Variants in SLC30A8 observed in about 807,000 individuals in gnomAD.
SLC30A8 encodes the protein solute carrier family 30 member 8.
In SLC30A8, 27 loss-of-function variants were observed where a neutral mutation model predicts 36.9. The ratio of observed to expected loss-of-function variants is 0.73; its 90% CI spans 0.54 to 1.01. The LOEUF is 1.01. Among genes scored for constraint, SLC30A8 ranks in the 50% least tolerant of loss-of-function variants. The pLI, the probability that SLC30A8 is intolerant of heterozygous loss-of-function variation, is 0.00. For missense variants in SLC30A8, 439 were observed against 452.0 expected (o/e 0.97, Z 0.26); for synonymous variants, 164 against 172.4 (o/e 0.95, Z 0.38).
intron 1 of SLC30A8, among the ~76,000 whole-genome samples, chr8:117,012,724 T>TACACACACACACACACACACAC (rs376889831): frequency 9.5e-5 from 12 of 126,392 alleles, no homozygotes; most frequent in African/African-American, 3.5e-4. Flanking sequence ...GACATATGTA[T>TACACACACACACACACACACAC]ACACACACAC....
intron 1 of SLC30A8, among the ~76,000 whole-genome samples, chr8:116,979,238 C>CAAAAAAAAAAAAAAAAAA (rs67998633): frequency 1.6e-5 from 1 of 64,308 alleles, no homozygotes. Context: ...GACCCTGTCT[C>CAAAAAAAAAAAAAAAAAA]AAAAAAAAAA....
chr8:116,977,510 C>CTT (rs71305452), intron 1 of SLC30A8, among the ~76,000 whole-genome samples: 2,432 of 116,378 alleles, frequency 0.021, 111 homozygotes, highest in African/African-American at 0.077. Context: ...TACTTTACCA[C>CTT]TTTTTTTTTT....
chr8:117,042,736 C>A (rs1448663528), intron 2 of SLC30A8, among the ~76,000 whole-genome samples: 1 of 151,874 alleles, frequency 6.6e-6, no homozygotes, highest in Non-Finnish European at 1.5e-5. Flanking sequence ...AGTGCAGTGG[C>A]ATGATCTTGG....
intron 1 of SLC30A8, among the ~76,000 whole-genome samples, chr8:117,006,772 ATTTTTTTTTTT>A (rs71305456): frequency 7.6e-5 from 6 of 78,968 alleles, no homozygotes; most frequent in Admixed American, 5.1e-4. Flanking sequence ...GAGTCAGGTA[ATTTTTTTTTTT>A]TTTTTTTTTT....
At chr8:117,082,287 T>C (rs1162873268) in intron 2 of SLC30A8, among the ~76,000 whole-genome samples, 2 of 152,102 alleles carry the variant, frequency 1.3e-5, no homozygotes, top group Non-Finnish European at 2.9e-5. Flanking sequence ...CTAGATGAAG[T>C]ATGTAATGAC....
chr8:117,129,653 A>G (rs939561448), intron 2 of SLC30A8, among the ~76,000 whole-genome samples: 1 of 151,968 alleles, frequency 6.6e-6, no homozygotes, highest in Non-Finnish European at 1.5e-5. Flanking sequence ...AAACATTGTA[A>G]TTGTGTCCTG....
At chr8:117,092,432 A>C (rs936730484) in intron 2 of SLC30A8, among the ~76,000 whole-genome samples, 10 of 151,842 alleles carry the variant, frequency 6.6e-5, no homozygotes, top group Admixed American at 5.9e-4. Flanking sequence ...AACCCTTTGG[A>C]TCTTAGTGCC....
chr8:116,965,406 A>G (rs747106409), intron 1 of SLC30A8, among the ~76,000 whole-genome samples: 1 of 152,238 alleles, frequency 6.6e-6, no homozygotes, highest in Non-Finnish European at 1.5e-5. Flanking sequence ...TAAAAGTAAC[A>G]AGAAACATTA....
intron 2 of SLC30A8, among the ~76,000 whole-genome samples, chr8:117,120,435 C>T (rs1389460264): frequency 6.6e-6 from 1 of 151,782 alleles, no homozygotes. Flanking sequence ...TGAAATTGCA[C>T]CCTTATTTTA....
chr8:117,060,706 T>C (rs893373491), intron 2 of SLC30A8, among the ~76,000 whole-genome samples: 3 of 152,200 alleles, frequency 2.0e-5, no homozygotes, highest in African/African-American at 7.2e-5. Context: ...GATTCATTTA[T>C]GTCTTTGTTT....
chr8:117,102,934 C>G (rs1819791971), intron 2 of SLC30A8, among the ~76,000 whole-genome samples: 1 of 152,158 alleles, frequency 6.6e-6, no homozygotes, highest in African/African-American at 2.4e-5. Context: ...GTAGTCCACT[C>G]TCTGGGTCCC....
intron 2 of SLC30A8, among the ~76,000 whole-genome samples, chr8:117,072,895 ATTCAAATCTTTAT>A (rs1166845989): frequency 2.0e-5 from 3 of 150,640 alleles, no homozygotes; most frequent in Non-Finnish European, 4.4e-5. Context: ...AGGATTAGCA[ATTCAAATCTTTAT>A]TTCATGTATC....
chr8:117,057,351 ATCC>A (rs1396895783), intron 2 of SLC30A8, among the ~76,000 whole-genome samples: 20 of 152,236 alleles, frequency 1.3e-4, no homozygotes, highest in African/African-American at 4.8e-4. Flanking sequence ...GAATTAATGT[ATCC>A]ATTACCTATA....
At chr8:117,139,870 A>T (rs1404931497) in intron 1 of SLC30A8, among the ~76,000 whole-genome samples, 1 of 151,838 alleles carries the variant, frequency 6.6e-6, no homozygotes, top group Admixed American at 6.6e-5. Context: ...AAAAAAAAAA[A>T]AAAAAAAAGT....
intron 1 of SLC30A8, among the ~76,000 whole-genome samples, chr8:116,998,656 G>T (rs999073876): frequency 1.3e-5 from 2 of 152,146 alleles, no homozygotes; most frequent in East Asian, 1.9e-4. Context: ...AATCAACTTG[G>T]ATTAGAGTGG....
chr8:116,972,195 T>G (rs1399389361), intron 1 of SLC30A8, among the ~76,000 whole-genome samples: 1 of 152,194 alleles, frequency 6.6e-6, no homozygotes, highest in Admixed American at 6.5e-5. Context: ...CTCTAACCAT[T>G]AGAAATATCA....
At chr8:117,080,034 G>A (rs914356669) in intron 2 of SLC30A8, among the ~76,000 whole-genome samples, 3 of 152,138 alleles carry the variant, frequency 2.0e-5, no homozygotes, top group African/African-American at 4.8e-5. Context: ...TCATTTTAAA[G>A]TAAGGAAATG....
chr8:117,053,953 A>C (rs1420644393), intron 2 of SLC30A8, among the ~76,000 whole-genome samples: 1 of 152,224 alleles, frequency 6.6e-6, no homozygotes. Context: ...GTAGATTCAC[A>C]ACTGGAACCC....
intron 2 of SLC30A8, among the ~76,000 whole-genome samples, chr8:117,062,855 T>C (rs1039799305): frequency 6.6e-6 from 1 of 152,228 alleles, no homozygotes; most frequent in Non-Finnish European, 1.5e-5. Flanking sequence ...TTACCCATAG[T>C]TTTCGTCCAC....
Sources: allele counts gnomAD v4.1 joint callset (sites outside exome capture counted in the v4.1 genomes callset), GRCh38; gene constraint gnomAD v4.1.1; transcripts MANE v1.5; gene names NCBI Gene and HGNC (gene_info 2026-07-23, HGNC 2026-07-21).